The following MIER1 variants were observed in gnomAD, a reference collection of about 807,000 sequenced individuals.
MIER1 encodes the protein MIER1 transcriptional regulator.
Under a neutral mutation model 75.7 loss-of-function variants are expected in MIER1, and 40 were observed. The ratio of observed to expected loss-of-function variants is 0.53; its 90% CI spans 0.41 to 0.69. The LOEUF is 0.69. Ranked by LOEUF, MIER1 falls within the 30% of genes least tolerant of loss-of-function variation. The pLI is 0.00. For synonymous variants in MIER1, 213 were observed against 223.4 expected (o/e 0.95, Z 0.42); for missense variants, 574 against 680.2 (o/e 0.84, Z 1.74).
intron 7 of MIER1, among the ~76,000 whole-genome samples, chr1:66,962,222 T>C (rs1661387314): frequency 6.6e-6 from 1 of 152,238 alleles, no homozygotes; most frequent in Non-Finnish European, 1.5e-5. Flanking sequence ...ACTGTATAGA[T>C]ATGATTACTG....
chr1:66,984,667 C>A lies in MIER1; in HGVS notation c.1465C>A (p.Pro489Thr), dbSNP rs757284666. 108 of 1,613,728 alleles carry A rather than the reference C, an allele frequency of 6.7e-5. No individual in the cohort carries two copies. Among genetic ancestry groups the A allele is most frequent in the Non-Finnish European group, 9.1e-5 (107 of 1,179,900 alleles). Residue 489 changes from proline to threonine, a missense_variant, in exon 14 of 14, where the codon CCA becomes ACA. By Grantham distance (38) the Pro-to-Thr change is conservative. Transcript: ENST00000401041. ...TGGACCAACAGGTGGAAATAAGAAACCACTTCATGCAGATATGGATACTAA... is the reference window on the plus strand; with the variant it reads ...TGGACCAACAGGTGGAAATAAGAAAACACTTCATGCAGATATGGATACTAA... ...INGPTGGNKK[P>T]LHADMDTNGY...
intron 3 of MIER1, among the ~76,000 whole-genome samples, chr1:66,942,350 C>CT (rs1656448969): frequency 1.3e-5 from 2 of 152,096 alleles, no homozygotes; most frequent in African/African-American, 2.4e-5. Context: ...CAATGTAAGG[C>CT]TTTTTACCTG....
Position 66,974,188 on chromosome 1 carries a change from C to T in MIER1, c.1101+1197C>T, listed in dbSNP as rs890629336. On this transcript the variant is annotated intron_variant, in intron 11 of 13. Coordinates refer to ENST00000401041, the MANE Select transcript of MIER1 (RefSeq NM_001077700.3). ...ATTTTGTTGAATGTTGGCAGTTTAC[C>T]GCAGATAACACTAATAGAGAAATGT... is the stretch of plus-strand genomic sequence containing the variant. 1.1e-4 allele frequency among the ~76,000 whole-genome samples: 16 copies of T among 151,416 alleles called. 1 individual carries two copies. Among genetic ancestry groups the T allele is most frequent in the Admixed American group, 7.2e-4 (11 of 15,182 alleles).
chr1:66,940,384 C>T (rs1655940620), intron 3 of MIER1, among the ~76,000 whole-genome samples: 1 of 144,232 alleles, frequency 6.9e-6, no homozygotes, highest in Admixed American at 7.4e-5. Flanking sequence ...GAATCATTAG[C>T]TTAGAAATAT....
At position 66,984,684 on chromosome 1, in the gene MIER1, G is replaced by T; in HGVS notation, c.1482G>T (p.Met494Ile). 6.2e-7 allele frequency: 1 copy of T among 1,613,900 alleles called. No individual in the cohort carries two copies. Among genetic ancestry groups the T allele is most frequent in the South Asian group, 1.1e-5 (1 of 91,062 alleles). The change falls in exon 14 of 14, where the codon ATG becomes ATT. Residue 494 changes from methionine (M) to isoleucine (I), a missense_variant. Physicochemically the swap from Met to Ile is conservative, Grantham distance 10. This residue lies in a region of MIER1 where 164 missense variants were observed against 154.3 expected (regional missense o/e 1.06). Transcript: ENST00000401041. ...GGNKKPLHAD[M>I]DTNGYETDNL... ...ATAAGAAACCACTTCATGCAGATATGGATACTAATGGTTATGAAACAGATA... is the reference window on the plus strand; with the variant it reads ...ATAAGAAACCACTTCATGCAGATATTGATACTAATGGTTATGAAACAGATA...
chr1:66,976,620 G>T lies in MIER1; in HGVS notation c.1127G>T (p.Cys376Phe). The T allele has an allele frequency of 6.2e-7, 1 of 1,604,042 alleles. No homozygotes were observed. Among genetic ancestry groups the T allele is most frequent in the Non-Finnish European group, 8.5e-7 (1 of 1,176,142 alleles). Reference sequence around the variant, plus strand: ...GTCCGAACAAGGTCAGTTGGTGAATGTGTAGCATTCTATTACATGTGGAAA... The same window carrying T: ...GTCCGAACAAGGTCAGTTGGTGAATTTGTAGCATTCTATTACATGTGGAAA... ...NKVRTRSVGE[C>F]VAFYYMWKKS... Residue 376 changes from cysteine to phenylalanine, a missense_variant, in exon 12 of 14, where the codon TGT (cysteine) becomes TTT (phenylalanine). Physicochemically the swap from Cys to Phe is radical, Grantham distance 205 (BLOSUM62 -2). Transcript: ENST00000401041.
At chr1:66,930,439 G>A (rs778987502) in intron 2 of MIER1, 3 of 1,601,852 alleles carry the variant, frequency 1.9e-6, no homozygotes, top group African/African-American at 2.7e-5. Flanking sequence ...CCGGAGCCGG[G>A]CGCCCCCGGC....
chr1:66,958,838 T>A lies in MIER1; in HGVS notation c.502-13T>A, dbSNP rs200878408. ...CCTTACATCTTAGAGAAATTTAATTTATTATTCCACAGGAGGAGAATATAA... is the reference window on the plus strand; with the variant it reads ...CCTTACATCTTAGAGAAATTTAATTAATTATTCCACAGGAGGAGAATATAA... On this transcript the variant is annotated splice_polypyrimidine_tract_variant and intron_variant, in intron 5 of 13. Coordinates refer to ENST00000401041, the MANE Select transcript of MIER1 (RefSeq NM_001077700.3). 3 of 1,585,646 alleles carry A rather than the reference T, an allele frequency of 1.9e-6. No homozygotes were observed. The highest frequency in any genetic ancestry group is 2.6e-6 in the Non-Finnish European group (3 of 1,163,744).
At chr1:66,942,869 T>G (rs753694810) in intron 3 of MIER1, among the ~76,000 whole-genome samples, 7 of 152,168 alleles carry the variant, frequency 4.6e-5, no homozygotes, top group Non-Finnish European at 1.0e-4. Flanking sequence ...TAATTGGCTT[T>G]GCAAATAACA....
At chr1:66,941,944 G>T (rs1219447325) in intron 3 of MIER1, among the ~76,000 whole-genome samples, 1 of 141,324 alleles carries the variant, frequency 7.1e-6, no homozygotes, top group Admixed American at 7.4e-5. Context: ...ACTCCAGCCT[G>T]AGCTATAGAG....
At chr1:66,934,528 C>A (rs1654273656) in intron 2 of MIER1, among the ~76,000 whole-genome samples, 1 of 151,018 alleles carries the variant, frequency 6.6e-6, no homozygotes, top group African/African-American at 2.4e-5. Flanking sequence ...TCCCTCAGAG[C>A]CTCTCAAGTA....
intron 7 of MIER1, 146 bp from the exon 8 acceptor site, chr1:66,962,942 A>G (rs1432728754): frequency 1.7e-5 from 9 of 528,384 alleles, no homozygotes; most frequent in Non-Finnish European, 2.7e-5. Context: ...TCATCTTCAC[A>G]AAGGTACCTC....
Position 66,925,193 on chromosome 1 carries a change from C to T in MIER1, c.67+98C>T. Reference sequence around the variant, plus strand: ...CAGTCCCCTTTCTCTCCTTCCCCTCCCCCACGGCAGTGTACCGCCCGGAAG... The same window carrying T: ...CAGTCCCCTTTCTCTCCTTCCCCTCTCCCACGGCAGTGTACCGCCCGGAAG... On this transcript the variant is annotated intron_variant, in intron 1 of 13. Coordinates refer to ENST00000401041, the MANE Select transcript of MIER1 (RefSeq NM_001077700.3). The T allele has an allele frequency of 2.1e-6, 3 of 1,457,688 alleles. No individual in the cohort carries two copies. The South Asian group carries it at 4.2e-5, about 21-fold the overall frequency. 90.3% of individuals were successfully genotyped at this position (1,457,688 alleles called of 1,614,324 possible).
intron 10 of MIER1, among the ~76,000 whole-genome samples, chr1:66,972,260 A>G (rs1663840618): frequency 3.0e-5 from 1 of 33,466 alleles, no homozygotes; most frequent in South Asian, 5.2e-4. Context: ...ATATATATAT[A>G]TAGATATGTA....
In MIER1 at chr1:66,958,080, G is replaced by T; in HGVS notation, c.361G>T (p.Glu121Ter). ...TTAGGAAGGCGACATGCCAATTCAT[G>T]AACTTCTCAGCCTTTATGGTTATGG... Reference protein sequence around the residue: ...LAREGDMPIHELLSLYGYGST... With the variant: ...LAREGDMPIH Residue 121 changes from glutamate to a stop codon, truncating the protein, a stop_gained, in exon 5 of 14, where the codon GAA becomes TAA. Coordinates refer to ENST00000401041, the MANE Select transcript of MIER1 (RefSeq NM_001077700.3). LOFTEE classifies it high-confidence loss of function. 2 of 1,588,596 alleles carry T rather than the reference G, an allele frequency of 1.3e-6. No individual in the cohort carries two copies. The highest frequency in any genetic ancestry group is 1.7e-5 in the Admixed American group (1 of 57,162).
intron 4 of MIER1, chr1:66,946,669 A>T: frequency 1.0e-6 from 1 of 992,392 alleles, no homozygotes. Flanking sequence ...TTGAAGTATC[A>T]TTTTCCATTC....
rs183393678 is a variant in MIER1 at position 66,987,488 on chromosome 1, G to C, written c.*2588G>C. ...AATAGAGTTCAGGATCTGCAATTCAGTTCAACACAAGTTTGTTGAGCTTTA... is the reference window on the plus strand; with the variant it reads ...AATAGAGTTCAGGATCTGCAATTCACTTCAACACAAGTTTGTTGAGCTTTA... On this transcript the variant is annotated 3_prime_UTR_variant, in exon 14 of 14. Transcript: ENST00000401041. The C allele has an allele frequency of 2.1e-3, 322 of 152,722 alleles. 1 individual carries two copies. The highest frequency in any genetic ancestry group is 6.8e-3 in the Middle Eastern group (2 of 294). The allele number at this position is 152,722 out of a possible 1,614,324, so 9.5% of individuals were successfully genotyped here.
chr1:66,982,213 C>CTAGA (rs1342007295), intron 13 of MIER1, among the ~76,000 whole-genome samples: 9 of 152,096 alleles, frequency 5.9e-5, no homozygotes, highest in African/African-American at 2.2e-4. Flanking sequence ...GGGTTGATGC[C>CTAGA]TAGATACAAG....
At chr1:66,926,452 T>A (rs905018580) in intron 2 of MIER1, among the ~76,000 whole-genome samples, 1 of 152,160 alleles carries the variant, frequency 6.6e-6, no homozygotes, top group African/African-American at 2.4e-5. Context: ...GGCCACTGGA[T>A]AAAACTGTAA....
Sources: allele counts gnomAD v4.1 joint callset (sites outside exome capture counted in the v4.1 genomes callset), GRCh38; gene constraint gnomAD v4.1.1; regional missense constraint gnomAD v4.1.1; transcripts MANE v1.5; gene names NCBI Gene and HGNC (gene_info 2026-07-23, HGNC 2026-07-21).